NCKAP5: variants seen among roughly 807,000 people sequenced by gnomAD.
NCKAP5 encodes the protein NCK associated protein 5.
A neutral mutation model predicts 167.0 loss-of-function variants in NCKAP5; 92 were observed. The ratio of observed to expected loss-of-function variants is 0.55; its 90% CI spans 0.47 to 0.66. NCKAP5 has a LOEUF of 0.66. NCKAP5 is among the 30% of genes least tolerant of loss of function. NCKAP5 has a pLI of 0.00. For synonymous variants in NCKAP5, 891 were observed against 877.4 expected, an observed-to-expected ratio of 1.02 and a Z score of -0.27; for missense variants, 2,378 against 2,315.0, an observed-to-expected ratio of 1.03 and a Z score of -0.56.
At chr2:133,448,785 G>A (rs1559492707) in intron 3 of NCKAP5, among the ~76,000 whole-genome samples, 1 of 152,050 alleles carries the variant, frequency 6.6e-6, no homozygotes, top group Non-Finnish European at 1.5e-5. Flanking sequence ...GACTACAGGT[G>A]CATGCCATCA....
At chr2:133,049,159 T>C (rs2079512762) in intron 6 of NCKAP5, among the ~76,000 whole-genome samples, 1 of 152,178 alleles carries the variant, frequency 6.6e-6, no homozygotes, top group Non-Finnish European at 1.5e-5. Context: ...AATGACTGTG[T>C]AATCACTGTA....
At chr2:132,953,808 T>C (rs929684128) in intron 8 of NCKAP5, among the ~76,000 whole-genome samples, 1 of 152,168 alleles carries the variant, frequency 6.6e-6, no homozygotes, top group Admixed American at 6.5e-5. Context: ...ATGGAATTGA[T>C]GGAACTGCTG....
At chr2:133,655,935 A>C in the NCKAP5 span, among the ~76,000 whole-genome samples, 21 of 152,200 alleles carry the variant, frequency 1.4e-4, no homozygotes, top group Admixed American at 3.9e-4. Context: ...TCAGCAGCCA[A>C]AAGTAATAAT....
chr2:132,744,665 A>T (rs546716790), intron 16 of NCKAP5, among the ~76,000 whole-genome samples: 2 of 151,720 alleles, frequency 1.3e-5, no homozygotes, highest in Non-Finnish European at 3.0e-5. Context: ...AAATCAATGA[A>T]ACAAAGAGCT....
chr2:132,865,822 T>A (rs1690304779), intron 10 of NCKAP5, among the ~76,000 whole-genome samples: 1 of 151,340 alleles, frequency 6.6e-6, no homozygotes. Flanking sequence ...ATGAGCAAAC[T>A]TTTTTTTTAG....
At chr2:133,324,571 T>C (rs778026586) in intron 3 of NCKAP5, among the ~76,000 whole-genome samples, 5 of 152,142 alleles carry the variant, frequency 3.3e-5, no homozygotes, top group Non-Finnish European at 7.4e-5. Flanking sequence ...ATTCCCAGAA[T>C]TTCCTCTAAA....
chr2:133,499,309 T>C (rs1682261696), intron 3 of NCKAP5, among the ~76,000 whole-genome samples: 2 of 152,194 alleles, frequency 1.3e-5, no homozygotes, highest in Admixed American at 1.3e-4. Flanking sequence ...CTTGCAAAGC[T>C]TACTTGCACG....
At position 133,078,688 on chromosome 2, in the gene NCKAP5, C is replaced by G. The variant is rs148263345; in HGVS notation, c.341+51290G>C. On this transcript the variant is annotated intron_variant, in intron 6 of 19. Transcript: ENST00000409261. ...TACTAATCACTCCTCCTATTTAGAT[C>G]ACTGGCTGCCTCTTTACAACTCCCT... 2.0e-5 allele frequency among the ~76,000 whole-genome samples: 3 copies of G among 152,240 alleles called. No homozygotes were observed. The East Asian group carries it at 5.8e-4, about 29-fold the overall frequency.
intron 4 of NCKAP5, among the ~76,000 whole-genome samples, chr2:133,224,698 C>A (rs1373462292): frequency 6.6e-6 from 1 of 152,138 alleles, no homozygotes; most frequent in Non-Finnish European, 1.5e-5. Flanking sequence ...TAAAGTAACC[C>A]ATTTTCTCCT....
At chr2:133,187,314 G>T (rs1252252364) in intron 5 of NCKAP5, among the ~76,000 whole-genome samples, 1 of 151,980 alleles carries the variant, frequency 6.6e-6, no homozygotes, top group Non-Finnish European at 1.5e-5. Context: ...TTCTGAGAGT[G>T]AGCCTGATGC....
chr2:133,583,947 G>T, the NCKAP5 span, among the ~76,000 whole-genome samples: 1 of 151,996 alleles, frequency 6.6e-6, no homozygotes, highest in African/African-American at 2.4e-5. Context: ...GTAGAGACGG[G>T]GTTTCACCGT....
In NCKAP5 at chr2:133,034,326, G is replaced by T. The variant is rs563451017; in HGVS notation, c.342-40087C>A. On this transcript the variant is annotated intron_variant, in intron 6 of 19. Coordinates refer to ENST00000409261, the MANE Select transcript of NCKAP5 (RefSeq NM_207363.3). ...GTTCCCAGACAAACAAATGCTGAGG[G>T]ATCTCATCAATACCAGGCCTGTCCT... Among the ~76,000 whole-genome samples, 3 of 152,190 alleles carry T rather than the reference G, an allele frequency of 2.0e-5. 1 individual carries two copies. The South Asian group carries it at 6.2e-4, about 32-fold the overall frequency.
At chr2:133,100,762 GA>G (rs938225362) in intron 6 of NCKAP5, among the ~76,000 whole-genome samples, 11 of 147,266 alleles carry the variant, frequency 7.5e-5, no homozygotes, top group African/African-American at 1.2e-4. Flanking sequence ...CTGTGGCTTG[GA>G]AAAAAAAAAC....
chr2:133,171,152 A>G (rs554891887), intron 5 of NCKAP5, among the ~76,000 whole-genome samples: 78 of 152,282 alleles, frequency 5.1e-4, no homozygotes, highest in African/African-American at 1.9e-3. Context: ...GGTGCTTTTG[A>G]AGGCATCTCA....
chr2:132,918,397 T>C (rs1695048425), intron 8 of NCKAP5, among the ~76,000 whole-genome samples: 1 of 152,222 alleles, frequency 6.6e-6, no homozygotes, highest in Non-Finnish European at 1.5e-5. Flanking sequence ...TCCTTGAGGA[T>C]TTCCTTGGTT....
intron 3 of NCKAP5, among the ~76,000 whole-genome samples, chr2:133,360,694 C>A (rs1315898003): frequency 6.6e-6 from 1 of 152,036 alleles, no homozygotes; most frequent in Non-Finnish European, 1.5e-5. Flanking sequence ...AGTGTCAGAG[C>A]AGGTGATAGA....
At chr2:133,058,911 A>G (rs1595416) in intron 6 of NCKAP5, among the ~76,000 whole-genome samples, 117,614 of 152,168 alleles carry the variant, frequency 0.77, 45,750 homozygotes, top group East Asian at 0.97. Context: ...ATTGAATTAT[A>G]CTAAATAATT....
chr2:133,643,242 T>A, the NCKAP5 span, among the ~76,000 whole-genome samples: 1 of 152,176 alleles, frequency 6.6e-6, no homozygotes, highest in Non-Finnish European at 1.5e-5. Context: ...TATACAGCCA[T>A]GAAAATCTGA....
At chr2:133,596,188 C>G in the NCKAP5 span, 1 of 158,806 alleles carries the variant, frequency 6.3e-6, no homozygotes. Context: ...CCCTTCCTCC[C>G]TCATCACTCC....
Sources: allele counts gnomAD v4.1 joint callset (sites outside exome capture counted in the v4.1 genomes callset), GRCh38; gene constraint gnomAD v4.1.1; transcripts MANE v1.5; gene names NCBI Gene and HGNC (gene_info 2026-07-23, HGNC 2026-07-21).